TNFRSF19: variants seen among roughly 807,000 people sequenced by gnomAD.
The protein encoded by TNFRSF19 is tumor necrosis factor receptor superfamily member 19.
A neutral mutation model predicts 46.4 loss-of-function variants in TNFRSF19; 27 were observed. The observed-to-expected ratio is 0.58, with a 90% CI of 0.43 to 0.80. The LOEUF (loss-of-function observed/expected upper bound fraction) is 0.80. TNFRSF19 is among the 30% of genes least tolerant of loss of function. TNFRSF19 has a pLI of 0.00. For synonymous variants in TNFRSF19, 204 were observed against 205.0 expected, an observed-to-expected ratio of 1.00 and a Z score of 0.04; for missense variants, 511 against 530.8, an observed-to-expected ratio of 0.96 and a Z score of 0.37.
intron 5 of TNFRSF19, among the ~76,000 whole-genome samples, chr13:23,627,532 C>T (rs76569613): frequency 0.014 from 2,203 of 152,304 alleles, 60 homozygotes; most frequent in African/African-American, 0.051. Context: ...TAGAAACCCA[C>T]AGGAAGGGAA....
Position 23,592,352 on chromosome 13 carries a change from A to G in TNFRSF19, c.70-993A>G, listed in dbSNP as rs193070264. On this transcript the variant is annotated intron_variant, in intron 2 of 9. Transcript: ENST00000248484. ...GGGGTTGGACCAAACGTCTTCACCA[A>G]TTCTGTGATGCTGCTAATACCAGCA... Among the ~76,000 whole-genome samples the G allele has an allele frequency of 3.9e-3, 590 of 152,276 alleles. 3 individuals are homozygous for G. The highest frequency in any genetic ancestry group is 5.7e-3 in the Non-Finnish European group (391 of 68,024).
In TNFRSF19 at chr13:23,659,869, G is replaced by C. The variant is rs1208778898; in HGVS notation, c.611-496G>C. ...GCTAGAGAAAAGAAAATGTTACTAA[G>C]AGAATCATAAGGGAGACAAAATAGA... On this transcript the variant is annotated intron_variant, in intron 6 of 9. Coordinates refer to ENST00000248484, the MANE Select transcript of TNFRSF19 (RefSeq NM_148957.4). The surrounding 1 kb of genome is among the most constrained non-coding windows in gnomAD (Gnocchi z 4.9). Among the ~76,000 whole-genome samples the C allele has an allele frequency of 6.6e-6, 1 of 152,140 alleles. No individual in the cohort carries two copies. The highest frequency in any genetic ancestry group is 1.9e-4 in the East Asian group (1 of 5,190).
In TNFRSF19 at chr13:23,590,179, G is replaced by T; in HGVS notation, c.-5G>T. The T allele has an allele frequency of 6.3e-7, 1 of 1,577,430 alleles. No homozygotes were observed. ...CTCCAACAATAAATACATTTGATAA[G>T]AAAGATGGCTTTAAAAGTGCTACTA... On this transcript the variant is annotated 5_prime_UTR_variant, in exon 2 of 10. Coordinates refer to ENST00000248484, the MANE Select transcript of TNFRSF19 (RefSeq NM_148957.4).
chr13:23,647,204 C>T (rs931457063), intron 5 of TNFRSF19, among the ~76,000 whole-genome samples: 1 of 152,118 alleles, frequency 6.6e-6, no homozygotes, highest in African/African-American at 2.4e-5. Context: ...GTATGAAATG[C>T]TAATATTTTC....
chr13:23,584,134 G>A (rs2138158305), intron 1 of TNFRSF19, among the ~76,000 whole-genome samples: 1 of 151,634 alleles, frequency 6.6e-6, no homozygotes, highest in African/African-American at 2.4e-5. Flanking sequence ...GGTTGCATGA[G>A]TTCTTCAGTG....
At chr13:23,579,234 AG>A (rs1437821871) in intron 1 of TNFRSF19, 2 of 151,692 alleles carry the variant, frequency 1.3e-5, no homozygotes, top group East Asian at 4.0e-4. Flanking sequence ...CGGCTGACGC[AG>A]TGTGCGCTGG....
intron 5 of TNFRSF19, among the ~76,000 whole-genome samples, chr13:23,652,041 A>T (rs925634667): frequency 5.9e-5 from 9 of 152,104 alleles, no homozygotes; most frequent in African/African-American, 2.2e-4. Flanking sequence ...TCCTTTCTGC[A>T]CAGGGTTATT....
At chr13:23,627,466 A>T (rs1023422389) in intron 5 of TNFRSF19, among the ~76,000 whole-genome samples, 1 of 152,232 alleles carries the variant, frequency 6.6e-6, no homozygotes, top group Admixed American at 6.5e-5. Flanking sequence ...ATCAATTTTG[A>T]ATAGGAAGAA....
chr13:23,600,648 G>A (rs1308957091), intron 3 of TNFRSF19, among the ~76,000 whole-genome samples: 1 of 152,126 alleles, frequency 6.6e-6, no homozygotes, highest in East Asian at 1.9e-4. Context: ...ATACACCAAA[G>A]GCTCACCTGC....
rs941920085 is a variant in TNFRSF19, at chr13:23,626,622, G to A, written c.360-85G>A. ...CTGTGTACTTTTAACCGTAGAACTG[G>A]TAATGGAGACTGCTGGTAATTTATG... is the stretch of plus-strand genomic sequence containing the variant. On this transcript the variant is annotated intron_variant, in intron 4 of 9. Coordinates refer to ENST00000248484, the MANE Select transcript of TNFRSF19 (RefSeq NM_148957.4). 1.4e-5 allele frequency: 18 copies of A among 1,279,278 alleles called. No homozygotes were observed. In the Admixed American group the frequency reaches 2.6e-4, roughly 19 times the overall value. The allele number at this position is 1,279,278 out of a possible 1,614,324, so 79.2% of individuals were successfully genotyped here.
chr13:23,598,358 C>T (rs1348148865), intron 3 of TNFRSF19, among the ~76,000 whole-genome samples: 1 of 152,132 alleles, frequency 6.6e-6, no homozygotes, highest in Non-Finnish European at 1.5e-5. Flanking sequence ...ACGTTCTGCA[C>T]ATGTATCCCA....
At chr13:23,658,955 T>C (rs1884160156) in intron 5 of TNFRSF19, 95 bp from the exon 6 acceptor site, 3 of 1,525,814 alleles carry the variant, frequency 2.0e-6, no homozygotes, top group Non-Finnish European at 2.7e-6. Flanking sequence ...TCTCACAGCA[T>C]GGGAAGGCCA....
Position 23,581,127 on chromosome 13 carries a change from CT to C in TNFRSF19, c.-34-9019del, listed in dbSNP as rs1226042943. Among the ~76,000 whole-genome samples, 29 of 123,290 alleles carry C rather than the reference CT, an allele frequency of 2.4e-4. 2 individuals are homozygous for C. The highest frequency in any genetic ancestry group is 6.0e-4 in the South Asian group (2 of 3,342). The allele number at this position is 123,290 out of a possible 152,430, so 80.9% of individuals were successfully genotyped here. Reference sequence around the variant, plus strand: ...ATGTCGATGTGCCTTTTCTTTTTTTCTTTTCTTTTTTTTTTTTTGAAACGGA... The same window carrying C: ...ATGTCGATGTGCCTTTTCTTTTTTTCTTTCTTTTTTTTTTTTTGAAACGGA... On this transcript the variant is annotated intron_variant, in intron 1 of 9. Coordinates refer to ENST00000248484, the MANE Select transcript of TNFRSF19 (RefSeq NM_148957.4).
intron 2 of TNFRSF19, among the ~76,000 whole-genome samples, chr13:23,592,597 T>A (rs1283420803): frequency 6.6e-6 from 1 of 152,206 alleles, no homozygotes; most frequent in Non-Finnish European, 1.5e-5. Flanking sequence ...TCAGTGGTAA[T>A]CAGTAAAGGC....
At chr13:23,621,323 T>C (rs1468403530) in intron 4 of TNFRSF19, among the ~76,000 whole-genome samples, 1 of 152,202 alleles carries the variant, frequency 6.6e-6, no homozygotes, top group Non-Finnish European at 1.5e-5. Flanking sequence ...TTAGCATTTG[T>C]TCACCTTCAG....
At position 23,659,022 on chromosome 13, in the gene TNFRSF19, C is replaced by T. The variant is rs1296886617; in HGVS notation, c.446-28C>T. 1.2e-6 allele frequency: 2 copies of T among 1,612,102 alleles called. No individual in the cohort carries two copies. The highest frequency in any genetic ancestry group is 2.2e-5 in the East Asian group (1 of 44,886). On this transcript the variant is annotated intron_variant, in intron 5 of 9. Coordinates refer to ENST00000248484, the MANE Select transcript of TNFRSF19 (RefSeq NM_148957.4). This position sits in a 1 kb window ranked among gnomAD's most constrained non-coding sequence, Gnocchi z 4.9. Reference sequence around the variant, plus strand: ...ACACTGCATCTGCAGTTGTTCAGAGCATGCTGACCCCATTCCTGTGGTTTC... The same window carrying T: ...ACACTGCATCTGCAGTTGTTCAGAGTATGCTGACCCCATTCCTGTGGTTTC...
chr13:23,617,094 C>T (rs1881350806), intron 4 of TNFRSF19, among the ~76,000 whole-genome samples: 1 of 151,854 alleles, frequency 6.6e-6, no homozygotes, highest in African/African-American at 2.4e-5. Context: ...TTGAAGGAGA[C>T]GAGGCACGGA....
chr13:23,638,169 G>T (rs539948746), intron 5 of TNFRSF19, among the ~76,000 whole-genome samples: 1 of 152,264 alleles, frequency 6.6e-6, no homozygotes, highest in African/African-American at 2.4e-5. Flanking sequence ...AGACGTTATG[G>T]GTCCGTAGAC....
At chr13:23,596,159 C>G (rs1049478090) in intron 3 of TNFRSF19, among the ~76,000 whole-genome samples, 2 of 152,132 alleles carry the variant, frequency 1.3e-5, no homozygotes, top group Non-Finnish European at 2.9e-5. Flanking sequence ...CAAAAACATA[C>G]CAAATTGTAA....
Sources: gnomAD v4.1 joint callset for allele counts (sites outside exome capture counted in the v4.1 genomes callset) on GRCh38, gnomAD v4.1.1 for gene constraint, Gnocchi (gnomAD v3.1) non-coding constraint, MANE v1.5 for transcripts, NCBI Gene and HGNC (gene_info 2026-07-23, HGNC 2026-07-21) for gene names.